The following CHRNA5 variants were observed in gnomAD, a reference collection of about 807,000 sequenced individuals.
The protein encoded by CHRNA5 is cholinergic receptor nicotinic alpha 5 subunit, also known as neuronal acetylcholine receptor subunit alpha-5.
In CHRNA5, 28 loss-of-function variants were observed where a neutral mutation model predicts 41.2. The ratio of observed to expected loss-of-function variants is 0.68; its 90% confidence interval spans 0.50 to 0.93. The LOEUF is 0.93. Among genes scored for constraint, CHRNA5 ranks in the 40% least tolerant of loss-of-function variants. The probability of loss-of-function intolerance (pLI) is 0.00; values close to 1 mark genes in which losing one functional copy is unlikely to be tolerated. For synonymous variants in CHRNA5, 188 were observed against 205.8 expected (o/e 0.91, Z 0.74); for missense variants, 481 against 581.9 (o/e 0.83, Z 1.78).
intron 3 of CHRNA5, among the ~76,000 whole-genome samples, chr15:78,587,454 C>T (rs1265170361): frequency 3.1e-5 from 2 of 64,238 alleles, no homozygotes; most frequent in Non-Finnish European, 6.3e-5. Context: ...GCAGGACCTA[C>T]AAGTGCAAAG....
exon 1 of CHRNA5, chr15:78,565,711 C>T (rs1168958709): frequency 5.3e-6 from 6 of 1,137,828 alleles, no homozygotes; most frequent in African/African-American, 1.6e-5. Flanking sequence ...CCCGCGCGGG[C>T]GCGGGGCGAT....
chr15:78,568,056 A>C (rs979610252), intron 1 of CHRNA5, among the ~76,000 whole-genome samples: 12 of 152,182 alleles, frequency 7.9e-5, no homozygotes, highest in Non-Finnish European at 1.5e-4. Context: ...TTTTTAAGTC[A>C]ACTTTAAGTT....
At chr15:78,576,159 G>T (rs1428009463) in intron 1 of CHRNA5, among the ~76,000 whole-genome samples, 1 of 151,938 alleles carries the variant, frequency 6.6e-6, no homozygotes, top group Non-Finnish European at 1.5e-5. Flanking sequence ...TTTTGTTGTT[G>T]TTTTTGAGTT....
intron 1 of CHRNA5, among the ~76,000 whole-genome samples, chr15:78,570,348 TC>T (rs1191143358): frequency 1.3e-5 from 2 of 148,768 alleles, no homozygotes; most frequent in Admixed American, 1.4e-4. Context: ...CACCTCTGGC[TC>T]CTGGGTCCAA....
chr15:78,588,166 C>T lies in CHRNA5; in HGVS notation c.304-148C>T. 4.3e-6 allele frequency: 2 copies of T among 468,646 alleles called. No homozygotes were observed. The highest frequency in any genetic ancestry group is 7.7e-5 in the South Asian group (2 of 25,814). The allele number at this position is 468,646 out of a possible 1,614,324, so 29.0% of individuals were successfully genotyped here. A position where few individuals can be genotyped will look rare whatever the true frequency, so the allele number is the denominator to read the frequency against. On this transcript the variant is annotated intron_variant, in intron 3 of 5. Transcript: ENST00000299565. The surrounding 1 kb of genome is among the most constrained non-coding windows in gnomAD (Gnocchi z 4.1). ...CACAAGGGGACAGGGTTATCTGGTG[C>T]CCATAATAAGAAAGACAGGGAGGTG... is the stretch of plus-strand genomic sequence containing the variant.
chr15:78,580,450 T>C, intron 1 of CHRNA5, among the ~76,000 whole-genome samples: 1 of 150,282 alleles, frequency 6.7e-6, no homozygotes, highest in Admixed American at 6.7e-5. Context: ...GAAACTATTC[T>C]GTATTGAGTA....
intron 5 of CHRNA5, 170 bp from the exon 6 acceptor site, chr15:78,592,922 G>A: frequency 1.7e-6 from 1 of 603,562 alleles, no homozygotes; most frequent in Admixed American, 3.4e-5. Context: ...ATCTATAGTA[G>A]ACCTTCAGGC....
At chr15:78,570,146 A>T (rs909335521) in intron 1 of CHRNA5, among the ~76,000 whole-genome samples, 3 of 152,176 alleles carry the variant, frequency 2.0e-5, no homozygotes, top group Admixed American at 6.5e-5. Flanking sequence ...TAATGACAAT[A>T]TGATAGAAAG....
chr15:78,579,691 C>T (rs1334236942), intron 1 of CHRNA5, among the ~76,000 whole-genome samples: 1 of 152,128 alleles, frequency 6.6e-6, no homozygotes, highest in Admixed American at 6.5e-5. Context: ...CTCTTCTCTT[C>T]CCATAGATGG....
intron 2 of CHRNA5, among the ~76,000 whole-genome samples, chr15:78,585,787 C>CTTTTTTTT (rs1315604579): frequency 1.6e-5 from 1 of 62,544 alleles, no homozygotes; most frequent in Non-Finnish European, 3.0e-5. Context: ...CTTTTCTTTT[C>CTTTTTTTT]TTTCTTTTTT....
Position 78,589,829 on chromosome 15 carries a change from CAGTACGA to C in CHRNA5, c.440_446del (p.Ser147LysfsTer24). ...GTGCAGATGGACGTTTTGAAGGGAC[CAGTACGA>C]AAACAGTCATCAGGTACAATGGCAC... is the stretch of plus-strand genomic sequence containing the variant. On this transcript the variant is annotated frameshift_variant, in exon 5 of 6. Coordinates refer to ENST00000299565, the Ensembl canonical transcript of CHRNA5. LOFTEE classifies it high-confidence loss of function. 6.3e-7 allele frequency: 1 copy of C among 1,596,184 alleles called. No individual in the cohort carries two copies. The highest frequency in any genetic ancestry group is 1.1e-5 in the South Asian group (1 of 87,412).
At chr15:78,580,899 G>A (rs200186728) in exon 2 of CHRNA5, 1 of 1,614,068 alleles carries the variant, frequency 6.2e-7, no homozygotes, top group Non-Finnish European at 8.5e-7. Context: ...TTCGTCCTGT[G>A]GAACACCTGA....
chr15:78,586,738 T>A, intron 3 of CHRNA5, 49 bp downstream of exon 3: 1 of 1,221,150 alleles, frequency 8.2e-7, no homozygotes, highest in Non-Finnish European at 1.2e-6. Flanking sequence ...CTGGGACACC[T>A]ATTTTTATTA....
chr15:78,590,083 C>T, exon 5 of CHRNA5: 1 of 1,614,204 alleles, frequency 6.2e-7, no homozygotes, highest in Non-Finnish European at 8.5e-7. Flanking sequence ...GGAAACAGAA[C>T]CGACAGCTGT....
At chr15:78,580,619 T>C (rs1471676102) in intron 1 of CHRNA5, among the ~76,000 whole-genome samples, 192 bp from the exon 2 acceptor site, 2 of 152,050 alleles carry the variant, frequency 1.3e-5, no homozygotes, top group Non-Finnish European at 2.9e-5. Context: ...GTTTGGTTCA[T>C]TAATAATCTG....
chr15:78,581,090 T>C, intron 2 of CHRNA5, 128 bp downstream of exon 2: 1 of 845,202 alleles, frequency 1.2e-6, no homozygotes. Context: ...CTGAAGGAAC[T>C]CACCAGGGAA....
chr15:78,590,148 T>C, exon 5 of CHRNA5: 1 of 1,614,214 alleles, frequency 6.2e-7, no homozygotes, highest in South Asian at 1.1e-5. Context: ...GCCTCTCTTT[T>C]ATACCTTGTT....
At chr15:78,594,922 A>G (rs112690995) in exon 6 of CHRNA5, 1 of 152,190 alleles carries the variant, frequency 6.6e-6, no homozygotes, top group Non-Finnish European at 1.5e-5. Flanking sequence ...TAAAACAGTT[A>G]AATTCCATCT....
Position 78,590,095 on chromosome 15 carries a change from G to C in CHRNA5, c.704G>C (p.Cys235Ser), listed in dbSNP as rs1258493260. ...AAAGGAAACAGAACCGACAGCTGTT[G>C]CTGGTATCCGTATGTCACTTACTCA... is the stretch of plus-strand genomic sequence containing the variant. Residue 235 changes from cysteine (C) to serine (S), a missense_variant, in exon 5 of 6, where the codon TGC (cysteine) becomes TCC (serine). Transcript: ENST00000299565. 2 of 1,614,092 alleles carry C rather than the reference G, an allele frequency of 1.2e-6. No homozygotes were observed. The highest frequency in any genetic ancestry group is 1.7e-6 in the Non-Finnish European group (2 of 1,180,048).
Sources: allele counts gnomAD v4.1 joint callset (sites outside exome capture counted in the v4.1 genomes callset), GRCh38; gene constraint gnomAD v4.1.1; non-coding constraint Gnocchi (gnomAD v3.1); transcripts MANE v1.5; gene names NCBI Gene and HGNC (gene_info 2026-07-23, HGNC 2026-07-21).